Variants in DNAJC6 observed in about 807,000 individuals in gnomAD.
The protein encoded by DNAJC6 is auxilin.
A neutral mutation model predicts 110.0 loss-of-function variants in DNAJC6; 34 were observed. The observed-to-expected ratio is 0.31, with a 90% confidence interval of 0.24 to 0.41. DNAJC6 has a LOEUF of 0.41. Ranked by LOEUF, DNAJC6 falls within the 10% of genes least tolerant of loss-of-function variation. DNAJC6 has a pLI of 1.00. For synonymous variants in DNAJC6, 406 were observed against 437.2 expected, an observed-to-expected ratio of 0.93 and a Z score of 0.89; for missense variants, 1,031 against 1,207.8, an observed-to-expected ratio of 0.85 and a Z score of 2.17.
chr1:65,373,640 T>TA (rs397823917), intron 4 of DNAJC6, among the ~76,000 whole-genome samples: 2 of 151,792 alleles, frequency 1.3e-5, no homozygotes, highest in African/African-American at 2.4e-5. Context: ...TTTTTTTTTT[T>TA]ATTGTTGAGT....
intron 1 of DNAJC6, among the ~76,000 whole-genome samples, chr1:65,278,407 T>C (rs1242327198): frequency 6.6e-6 from 1 of 152,248 alleles, no homozygotes; most frequent in Non-Finnish European, 1.5e-5. Flanking sequence ...TTTCTCCAAA[T>C]TTTCTTTTAA....
intron 1 of DNAJC6, among the ~76,000 whole-genome samples, chr1:65,266,537 A>G (rs1041962139): frequency 3.3e-5 from 5 of 152,192 alleles, no homozygotes; most frequent in Non-Finnish European, 5.9e-5. Flanking sequence ...TGTGCCTGGT[A>G]AGGGGGAAGA....
At chr1:65,279,738 T>C (rs1166424098) in intron 1 of DNAJC6, 9 of 152,212 alleles carry the variant, frequency 5.9e-5, no homozygotes, top group African/African-American at 2.2e-4. Context: ...CTGCTCCTCT[T>C]TCCAGTAGTA....
chr1:65,300,060 A>G (rs72679444), intron 1 of DNAJC6, among the ~76,000 whole-genome samples: 4,359 of 149,760 alleles, frequency 0.029, 93 homozygotes, highest in Non-Finnish European at 0.048. Context: ...AAAAAAAAAA[A>G]AAAGAAAAAA....
At chr1:65,410,628 T>A (rs2101643369) in intron 17 of DNAJC6, among the ~76,000 whole-genome samples, 1 of 152,362 alleles carries the variant, frequency 6.6e-6, no homozygotes, top group East Asian at 1.9e-4. Flanking sequence ...TACAGTTTTA[T>A]GATCCCTCTG....
intron 15 of DNAJC6, among the ~76,000 whole-genome samples, chr1:65,402,380 C>T (rs1646038785): frequency 1.3e-5 from 2 of 152,146 alleles, no homozygotes; most frequent in African/African-American, 4.8e-5. Context: ...TATCGTATTT[C>T]CAGAATATTT....
At chr1:65,344,303 A>G (rs1385461562) in intron 1 of DNAJC6, among the ~76,000 whole-genome samples, 1 of 152,214 alleles carries the variant, frequency 6.6e-6, no homozygotes, top group Non-Finnish European at 1.5e-5. Flanking sequence ...CTTCTTGTAG[A>G]TACATGCACA....
At chr1:65,347,695 C>A (rs556542037) in intron 1 of DNAJC6, among the ~76,000 whole-genome samples, 1 of 151,704 alleles carries the variant, frequency 6.6e-6, no homozygotes, top group Non-Finnish European at 1.5e-5. Context: ...CCGTTGTCTC[C>A]CCTCCCCTCA....
intron 1 of DNAJC6, among the ~76,000 whole-genome samples, chr1:65,286,950 C>T (rs1467818403): frequency 1.3e-5 from 2 of 152,092 alleles, no homozygotes; most frequent in Non-Finnish European, 2.9e-5. Context: ...TTCTTTGATC[C>T]CACAACCCAT....
chr1:65,383,808 A>G (rs1246818873), intron 5 of DNAJC6, among the ~76,000 whole-genome samples: 1 of 152,244 alleles, frequency 6.6e-6, no homozygotes, highest in East Asian at 1.9e-4. Flanking sequence ...CATGAGATAC[A>G]TATATGCCAT....
At chr1:65,398,704 G>C in intron 13 of DNAJC6, 109 bp from the exon 14 acceptor site, 1 of 1,056,332 alleles carries the variant, frequency 9.5e-7, no homozygotes, top group Non-Finnish European at 1.4e-6. Context: ...TTGGGATCTT[G>C]CTGGGGCCAT....
chr1:65,354,735 A>T (rs1299181337), intron 1 of DNAJC6, among the ~76,000 whole-genome samples: 1 of 152,218 alleles, frequency 6.6e-6, no homozygotes, highest in Non-Finnish European at 1.5e-5. Flanking sequence ...CTGGCACACT[A>T]GCATAATATA....
At chr1:65,391,135 A>C (rs1176679912) in intron 11 of DNAJC6, among the ~76,000 whole-genome samples, 1 of 152,218 alleles carries the variant, frequency 6.6e-6, no homozygotes, top group East Asian at 1.9e-4. Flanking sequence ...CTCAGATAAT[A>C]ACCTATAATC....
intron 4 of DNAJC6, among the ~76,000 whole-genome samples, chr1:65,374,528 A>AT (rs1407731391): frequency 6.6e-6 from 1 of 151,620 alleles, no homozygotes; most frequent in Non-Finnish European, 1.5e-5. Flanking sequence ...GGTATTTTAT[A>AT]TTTTTTGTAG....
At chr1:65,287,270 A>G (rs527847187) in intron 1 of DNAJC6, among the ~76,000 whole-genome samples, 64 of 152,348 alleles carry the variant, frequency 4.2e-4, no homozygotes, top group African/African-American at 1.5e-3. Context: ...AAATGCAAAC[A>G]AATGAAGTAG....
At chr1:65,395,978 G>A (rs541412914) in intron 13 of DNAJC6, among the ~76,000 whole-genome samples, 4 of 152,280 alleles carry the variant, frequency 2.6e-5, no homozygotes, top group African/African-American at 7.2e-5. Context: ...GTGACGTATT[G>A]TTGAAGGCAT....
At chr1:65,339,253 TA>T (rs1645366309) in intron 1 of DNAJC6, among the ~76,000 whole-genome samples, 1 of 152,172 alleles carries the variant, frequency 6.6e-6, no homozygotes, top group African/African-American at 2.4e-5. Flanking sequence ...CTGAAAGGTT[TA>T]AGCTGCTTAT....
chr1:65,335,275 AT>A (rs71056101), intron 1 of DNAJC6, among the ~76,000 whole-genome samples: 36 of 146,610 alleles, frequency 2.5e-4, no homozygotes, highest in Middle Eastern at 3.5e-3. Context: ...CGCCCAGCTA[AT>A]TTTTTTTTTT....
chr1:65,297,512 T>G (rs1393949150), intron 1 of DNAJC6, among the ~76,000 whole-genome samples: 3 of 152,232 alleles, frequency 2.0e-5, no homozygotes, highest in African/African-American at 7.2e-5. Context: ...TTAATGAAAC[T>G]GCCTTTGCAA....
Sources: gnomAD v4.1 joint callset for allele counts (sites outside exome capture counted in the v4.1 genomes callset) on GRCh38, gnomAD v4.1.1 for gene constraint, MANE v1.5 for transcripts, NCBI Gene and HGNC (gene_info 2026-07-23, HGNC 2026-07-21) for gene names.